Variants in PRKCA observed in about 807,000 individuals in gnomAD.
PRKCA encodes the protein protein kinase C alpha.
Under a neutral mutation model 87.0 loss-of-function variants are expected in PRKCA, and 27 were observed. That is an observed-to-expected ratio of 0.31 (90% confidence interval 0.23 to 0.43). PRKCA has a LOEUF of 0.43. Ranked by LOEUF, PRKCA falls within the 20% of genes least tolerant of loss-of-function variation. The probability of loss-of-function intolerance (pLI) is 1.00; values close to 1 mark genes in which losing one functional copy is unlikely to be tolerated. For synonymous variants in PRKCA, 329 were observed against 311.1 expected (o/e 1.06, Z -0.61); for missense variants, 518 against 852.3 (o/e 0.61, Z 4.88).
chr17:66,380,385 A>T (rs1438704272), intron 2 of PRKCA, among the ~76,000 whole-genome samples: 1 of 152,168 alleles, frequency 6.6e-6, no homozygotes, highest in African/African-American at 2.4e-5. Flanking sequence ...TTCAAAAATG[A>T]ATAAAATAAT....
chr17:66,539,146 G>C (rs1256552158), intron 3 of PRKCA, among the ~76,000 whole-genome samples: 1 of 152,166 alleles, frequency 6.6e-6, no homozygotes, highest in African/African-American at 2.4e-5. Flanking sequence ...AGACATCATT[G>C]TATTTCTGTG....
intron 5 of PRKCA, among the ~76,000 whole-genome samples, chr17:66,680,058 C>T (rs886087351): frequency 6.6e-5 from 10 of 152,196 alleles, no homozygotes; most frequent in African/African-American, 2.2e-4. Context: ...AGACAAGGCT[C>T]ATGGGTTGTG....
Position 66,803,806 on chromosome 17 carries a change from C to T in PRKCA, c.1855-67C>T. The T allele has an allele frequency of 6.3e-7, 1 of 1,576,516 alleles. No homozygotes were observed. The highest frequency in any genetic ancestry group is 8.6e-7 in the Non-Finnish European group (1 of 1,158,064). On this transcript the variant is annotated intron_variant, in intron 16 of 16. Transcript: ENST00000413366. This position sits in a 1 kb window ranked among gnomAD's most constrained non-coding sequence, Gnocchi z 4.4. ...GGCCGTGCCCCTCCCCAGAGAGGGCCCTCGGAGAGCTGCTCCCGCATTGTC... is the reference window on the plus strand; with the variant it reads ...GGCCGTGCCCCTCCCCAGAGAGGGCTCTCGGAGAGCTGCTCCCGCATTGTC...
intron 2 of PRKCA, among the ~76,000 whole-genome samples, chr17:66,339,068 TTGATTC>T (rs1319153885): frequency 6.6e-6 from 1 of 152,168 alleles, no homozygotes; most frequent in African/African-American, 2.4e-5. Context: ...GATGATAACT[TTGATTC>T]TGAGAGCTCT....
intron 3 of PRKCA, among the ~76,000 whole-genome samples, chr17:66,525,924 A>G (rs891229500): frequency 6.6e-6 from 1 of 152,142 alleles, no homozygotes; most frequent in Non-Finnish European, 1.5e-5. Flanking sequence ...ATTTTATTTA[A>G]TGCCCTTGCT....
At chr17:66,441,802 C>A (rs951898593) in intron 2 of PRKCA, among the ~76,000 whole-genome samples, 1 of 152,042 alleles carries the variant, frequency 6.6e-6, no homozygotes, top group Non-Finnish European at 1.5e-5. Context: ...TCCTCTTAGA[C>A]CTTCTGAAAG....
intron 3 of PRKCA, among the ~76,000 whole-genome samples, chr17:66,608,813 A>G (rs114191189): frequency 0.031 from 4,730 of 152,322 alleles, 244 homozygotes; most frequent in African/African-American, 0.11. Context: ...GTTAGCTGGT[A>G]ATGGGTACTT....
chr17:66,358,635 A>G (rs141070965), intron 2 of PRKCA, among the ~76,000 whole-genome samples: 3 of 152,266 alleles, frequency 2.0e-5, no homozygotes, highest in Admixed American at 2.0e-4. Flanking sequence ...TTTCTTGTTC[A>G]TTCGGTGGTC....
intron 13 of PRKCA, among the ~76,000 whole-genome samples, chr17:66,754,939 A>AT (rs1337760438): frequency 1.3e-5 from 2 of 151,998 alleles, no homozygotes; most frequent in Admixed American, 1.3e-4. Flanking sequence ...CCTTACCTCT[A>AT]CAGAACAGTC....
At position 66,607,996 on chromosome 17, in the gene PRKCA, C is replaced by G. The variant is rs538188324; in HGVS notation, c.289-33359C>G. On this transcript the variant is annotated intron_variant, in intron 3 of 16. Coordinates refer to ENST00000413366, the MANE Select transcript of PRKCA (RefSeq NM_002737.3). Reference sequence around the variant, plus strand: ...ACAGTTTTTACAAGTTTGGAACTTTCTGAGTGGGTGATACGCATTAGGGTT... The same window carrying G: ...ACAGTTTTTACAAGTTTGGAACTTTGTGAGTGGGTGATACGCATTAGGGTT... Among the ~76,000 whole-genome samples, 8 of 152,294 alleles carry G rather than the reference C, an allele frequency of 5.3e-5. No individual in the cohort carries two copies. The South Asian group carries it at 1.7e-3, about 32-fold the overall frequency.
At chr17:66,466,840 C>T (rs974050584) in intron 2 of PRKCA, among the ~76,000 whole-genome samples, 3 of 151,396 alleles carry the variant, frequency 2.0e-5, no homozygotes, top group Non-Finnish European at 4.4e-5. Flanking sequence ...GGGAAGTCCA[C>T]GTGGATGTTT....
At chr17:66,798,478 G>A (rs893787608) in intron 16 of PRKCA, among the ~76,000 whole-genome samples, 1 of 111,272 alleles carries the variant, frequency 9.0e-6, no homozygotes, top group Non-Finnish European at 1.9e-5. Flanking sequence ...TGGTGGTGGT[G>A]GTGGTGGTGA....
At chr17:66,703,144 C>T (rs2144100281) in intron 8 of PRKCA, among the ~76,000 whole-genome samples, 1 of 152,282 alleles carries the variant, frequency 6.6e-6, no homozygotes, top group African/African-American at 2.4e-5. Context: ...CCTTAGCCTA[C>T]AGTAACTATT....
chr17:66,636,712 T>TC (rs1971159761), intron 3 of PRKCA, among the ~76,000 whole-genome samples: 1 of 152,220 alleles, frequency 6.6e-6, no homozygotes, highest in Non-Finnish European at 1.5e-5. Context: ...GCAAAGTCTT[T>TC]CTCTTATATT....
chr17:66,507,534 T>C (rs1917030548), intron 3 of PRKCA, among the ~76,000 whole-genome samples: 1 of 152,182 alleles, frequency 6.6e-6, no homozygotes, highest in Non-Finnish European at 1.5e-5. Flanking sequence ...TCCTGAGACA[T>C]TAACAGTAAA....
At chr17:66,783,985 C>T (rs774302323) in intron 14 of PRKCA, among the ~76,000 whole-genome samples, 2 of 152,328 alleles carry the variant, frequency 1.3e-5, no homozygotes, top group South Asian at 2.1e-4. Context: ...TTTGGTGCTC[C>T]GCTGTCGCAT....
At chr17:66,799,589 GTGGTGGTGA>G (rs1975836529) in intron 16 of PRKCA, among the ~76,000 whole-genome samples, 1 of 27,568 alleles carries the variant, frequency 3.6e-5, no homozygotes, top group African/African-American at 2.1e-4. Context: ...GGTGATGGTG[GTGGTGGTGA>G]TGGTGGTGGT....
chr17:66,776,307 CTGTTT>C (rs763787368), intron 14 of PRKCA, among the ~76,000 whole-genome samples: 14 of 152,146 alleles, frequency 9.2e-5, no homozygotes, highest in South Asian at 2.1e-4. Context: ...CAAGCTGTTT[CTGTTT>C]TGTTTTGTTT....
At chr17:66,669,837 G>A (rs1004056357) in intron 5 of PRKCA, among the ~76,000 whole-genome samples, 6 of 152,218 alleles carry the variant, frequency 3.9e-5, no homozygotes, top group Non-Finnish European at 7.3e-5. Context: ...AGGAGGCGGA[G>A]GTTGCAGTGA....
Sources: gnomAD v4.1 joint callset for allele counts (sites outside exome capture counted in the v4.1 genomes callset) on GRCh38, gnomAD v4.1.1 for gene constraint, Gnocchi (gnomAD v3.1) non-coding constraint, MANE v1.5 for transcripts, NCBI Gene and HGNC (gene_info 2026-07-23, HGNC 2026-07-21) for gene names.